The following ASNS variants were observed in gnomAD, a reference collection of about 807,000 sequenced individuals.
The protein encoded by ASNS is asparagine synthetase (glutamine-hydrolyzing).
Under a neutral mutation model 62.6 loss-of-function variants are expected in ASNS, and 37 were observed. That is an observed-to-expected ratio of 0.59 (90% confidence interval 0.45 to 0.78). The LOEUF (loss-of-function observed/expected upper bound fraction) is 0.78, where lower values mean the gene tolerates loss of function less well. ASNS is among the 30% of genes least tolerant of loss of function. The probability of loss-of-function intolerance (pLI) is 0.00; values close to 1 mark genes in which losing one functional copy is unlikely to be tolerated. For missense variants in ASNS, 520 were observed against 682.4 expected (o/e 0.76, Z 2.65); for synonymous variants, 207 against 237.9 (o/e 0.87, Z 1.19).
chr7:97,885,813 T>C, the ASNS span: 4 of 274,564 alleles, frequency 1.5e-5, no homozygotes, highest in Non-Finnish European at 2.8e-5. Context: ...TGCTTTCTTT[T>C]TATATTAAGT....
chr7:97,911,722 G>C, the ASNS span, among the ~76,000 whole-genome samples: 2 of 152,202 alleles, frequency 1.3e-5, no homozygotes, highest in African/African-American at 4.8e-5. Flanking sequence ...TCCTGGCTTG[G>C]TGCAGAGTAC....
At chr7:97,883,653 C>T in the ASNS span, among the ~76,000 whole-genome samples, 37,265 of 152,074 alleles carry the variant, frequency 0.25, 4,977 homozygotes, top group African/African-American at 0.33. Flanking sequence ...CCAAACCGAT[C>T]ACTCGCTTTC....
the ASNS span, among the ~76,000 whole-genome samples, chr7:97,877,760 G>T: frequency 2.0e-5 from 3 of 152,218 alleles, no homozygotes; most frequent in South Asian, 4.1e-4. Context: ...ACCTGATTAG[G>T]TCTGGCCCAC....
the ASNS span, chr7:97,908,494 A>G: frequency 6.6e-6 from 1 of 151,982 alleles, no homozygotes; most frequent in Non-Finnish European, 1.5e-5. Context: ...TCTGCCTCCC[A>G]GGCTTAAGCA....
chr7:97,863,621 T>A (rs1359712198), intron 4 of ASNS: 2 of 152,272 alleles, frequency 1.3e-5, no homozygotes, highest in Non-Finnish European at 2.9e-5. Context: ...CACTGAGCTA[T>A]CAAACCACCG....
intron 3 of ASNS, among the ~76,000 whole-genome samples, chr7:97,867,261 C>G (rs1367594049): frequency 1.3e-5 from 2 of 150,186 alleles, no homozygotes; most frequent in Non-Finnish European, 3.0e-5. Flanking sequence ...ACACCTCTGG[C>G]TGTATTTTAT....
At position 97,855,378 on chromosome 7, in the gene ASNS, G is replaced by A. The variant is rs753908207; in HGVS notation, c.1112C>T (p.Thr371Met). 87 of 1,612,370 alleles carry A rather than the reference G, an allele frequency of 5.4e-5. No homozygotes were observed. Among genetic ancestry groups the A allele is most frequent in the South Asian group, 2.9e-4 (26 of 90,976 alleles). ...CTTGTGAAAATATATGTAACCCTGC[G>A]TAAGTTCATCTGATCCTTCTCCAGA... ...IFSGEGSDEL[T>M]QGYIYFHKAP... Residue 371 changes from threonine to methionine, a missense_variant, in exon 9 of 13, where the codon ACG (threonine) becomes ATG (methionine). Thr to Met is a moderately conservative substitution (Grantham distance 81). Transcript: ENST00000394308.
chr7:97,879,368 A>G, the ASNS span, among the ~76,000 whole-genome samples: 522 of 152,336 alleles, frequency 3.4e-3, 5 homozygotes, highest in African/African-American at 0.012. Flanking sequence ...TAACCTACAG[A>G]ATGGGAGAAA....
At chr7:97,879,329 C>CA in the ASNS span, among the ~76,000 whole-genome samples, 1 of 152,170 alleles carries the variant, frequency 6.6e-6, no homozygotes, top group Non-Finnish European at 1.5e-5. Flanking sequence ...TTCTGCACAG[C>CA]AAAAGAAACT....
chr7:97,857,719 G>C (rs59347964), intron 7 of ASNS, among the ~76,000 whole-genome samples: 1 of 150,684 alleles, frequency 6.6e-6, no homozygotes, highest in East Asian at 1.9e-4. Flanking sequence ...CCTGAGCTCA[G>C]ACCTCCCCCC....
the ASNS span, among the ~76,000 whole-genome samples, chr7:97,922,386 A>G: frequency 6.6e-6 from 1 of 152,154 alleles, no homozygotes; most frequent in Admixed American, 6.5e-5. Context: ...ATGAAAAAGA[A>G]AAGAAAAAAG....
At chr7:97,925,112 G>A in the ASNS span, among the ~76,000 whole-genome samples, 4 of 152,236 alleles carry the variant, frequency 2.6e-5, no homozygotes, top group Admixed American at 6.5e-5. Flanking sequence ...ACTCCAGCCT[G>A]GGCAACAGAG....
chr7:97,852,241 T>G lies in ASNS; in HGVS notation c.*18A>C, dbSNP rs749741028. 6.2e-7 allele frequency: 1 copy of G among 1,613,574 alleles called. No individual in the cohort carries two copies. Among genetic ancestry groups the G allele is most frequent in the Admixed American group, 1.7e-5 (1 of 59,900 alleles). On this transcript the variant is annotated 3_prime_UTR_variant, in exon 13 of 13. Coordinates refer to ENST00000394308, the MANE Select transcript of ASNS (RefSeq NM_001673.5). Reference sequence around the variant, plus strand: ...ACACGAAGAAATATTTGCTTTCACATTACAGCATAAAGACCACCTAAGCTT... The same window carrying G: ...ACACGAAGAAATATTTGCTTTCACAGTACAGCATAAAGACCACCTAAGCTT...
At chr7:97,904,385 C>T in the ASNS span, among the ~76,000 whole-genome samples, 4 of 151,624 alleles carry the variant, frequency 2.6e-5, no homozygotes, top group Middle Eastern at 6.8e-3. Flanking sequence ...CAAACAACTC[C>T]TAAATCTTGG....
At chr7:97,881,264 T>C in the ASNS span, among the ~76,000 whole-genome samples, 276 of 152,124 alleles carry the variant, frequency 1.8e-3, 1 homozygote, top group Middle Eastern at 6.8e-3. Context: ...TGAGGCAAAA[T>C]TCACATAACA....
the ASNS span, among the ~76,000 whole-genome samples, chr7:97,887,371 C>T: frequency 2.4e-4 from 37 of 152,196 alleles, no homozygotes; most frequent in East Asian, 1.7e-3. Context: ...TAGAGGGTTG[C>T]GATTGATTAA....
At chr7:97,886,897 T>G in the ASNS span, among the ~76,000 whole-genome samples, 1 of 152,244 alleles carries the variant, frequency 6.6e-6, no homozygotes, top group Non-Finnish European at 1.5e-5. Flanking sequence ...CGTTGGCTGA[T>G]GTTATTATGA....
the ASNS span, among the ~76,000 whole-genome samples, chr7:97,896,711 T>TATACACAC: frequency 9.0e-5 from 4 of 44,282 alleles, no homozygotes; most frequent in African/African-American, 2.4e-4. Context: ...TGTATATATA[T>TATACACAC]ACACACACAC....
the ASNS span, among the ~76,000 whole-genome samples, chr7:97,896,711 T>TATACACACACAC: frequency 6.8e-5 from 3 of 44,264 alleles, no homozygotes; most frequent in African/African-American, 1.8e-4. Flanking sequence ...TGTATATATA[T>TATACACACACAC]ACACACACAC....
Sources: allele counts gnomAD v4.1 joint callset (sites outside exome capture counted in the v4.1 genomes callset), GRCh38; gene constraint gnomAD v4.1.1; transcripts MANE v1.5; gene names NCBI Gene and HGNC (gene_info 2026-07-23, HGNC 2026-07-21).